TMEM64: variants seen among roughly 807,000 people sequenced by gnomAD.
TMEM64 encodes the protein transmembrane protein 64.
In TMEM64, 19 loss-of-function variants were observed where a neutral mutation model predicts 24.5. That is an observed-to-expected ratio of 0.78 (90% CI 0.54 to 1.14). The LOEUF (loss-of-function observed/expected upper bound fraction) is 1.14, where lower values mean the gene tolerates loss of function less well. Ranked by LOEUF, TMEM64 falls within the 50% of genes most tolerant of loss-of-function variation. TMEM64 has a pLI of 0.00. For missense variants in TMEM64, 487 were observed against 493.0 expected, an observed-to-expected ratio of 0.99 and a Z score of 0.12; for synonymous variants, 262 against 224.7, an observed-to-expected ratio of 1.17 and a Z score of -1.49.
intron 1 of TMEM64, among the ~76,000 whole-genome samples, chr8:90,641,670 G>C (rs2130510323): frequency 6.6e-6 from 1 of 152,302 alleles, no homozygotes; most frequent in Non-Finnish European, 1.5e-5. Context: ...TTTCACCACT[G>C]TGCCTCAACT....
At chr8:90,633,203 C>T (rs978873704) in intron 1 of TMEM64, among the ~76,000 whole-genome samples, 1 of 152,196 alleles carries the variant, frequency 6.6e-6, no homozygotes, top group Admixed American at 6.6e-5. Flanking sequence ...AGGACTTCCA[C>T]TTCTTCCTCA....
rs1350186932 is a variant in TMEM64, at chr8:90,645,337, C to T, written c.569G>A (p.Gly190Asp). Residue 190 changes from glycine to aspartate, a missense_variant, in exon 1 of 3, where the codon GGC becomes GAC. Around this residue, in one of 3 missense-constraint regions of TMEM64, gnomAD observed 419 missense variants for 407.5 expected, o/e 1.03. Transcript: ENST00000458549. This position sits in a 1 kb window ranked among gnomAD's most constrained non-coding sequence, Gnocchi z 4.2. ...CATCAGACCCATGCCCAGCACGAAG[C>T]CGTACAGGTAGCCAGCGGCCACGTT... is the stretch of plus-strand genomic sequence containing the variant. ...VLNVAAGYLY[G>D]FVLGMGLMMV... 1.9e-6 allele frequency: 3 copies of T among 1,558,492 alleles called. No individual in the cohort carries two copies. The highest frequency in any genetic ancestry group is 2.6e-6 in the Non-Finnish European group (3 of 1,150,830).
In TMEM64 at chr8:90,625,569, T is replaced by C; in HGVS notation, c.*102A>G. ...AATTTAAAAACTAGTCAGTTTTGTT[T>C]GTGCTGTAATACAATTAGAACTTGT... On this transcript the variant is annotated 3_prime_UTR_variant, in exon 3 of 3. Coordinates refer to ENST00000458549, the MANE Select transcript of TMEM64 (RefSeq NM_001008495.4). 1 of 955,052 alleles carries C rather than the reference T, an allele frequency of 1.0e-6. No individual in the cohort carries two copies. Among genetic ancestry groups the C allele is most frequent in the African/African-American group, 1.6e-5 (1 of 61,230 alleles). The allele number at this position is 955,052 out of a possible 1,614,324, so 59.2% of individuals were successfully genotyped here. A position where few individuals can be genotyped will look rare whatever the true frequency, so the allele number is the denominator to read the frequency against.
chr8:90,645,273 C>A lies in TMEM64; in HGVS notation c.633G>T (p.Val211=). ...AGGCGGTGAGGAGCCGCTTGCAGAC[C>A]ACATGGGCGATGAAGGTGCCGATGA... ...GVLIGTFIAH[V]VCKRLLTAWV... The change falls in exon 1 of 3, where the codon GTG becomes GTT. Residue 211 remains valine (V), a synonymous_variant. Transcript: ENST00000458549. The surrounding 1 kb of genome is among the most constrained non-coding windows in gnomAD (Gnocchi z 4.2). The A allele has an allele frequency of 6.2e-7, 1 of 1,608,778 alleles. No individual in the cohort carries two copies. Among genetic ancestry groups the A allele is most frequent in the African/African-American group, 1.3e-5 (1 of 74,954 alleles).
At position 90,625,823 on chromosome 8, in the gene TMEM64, G is replaced by A. The variant is rs771221431; in HGVS notation, c.991C>T (p.Arg331Ter). 8 of 1,613,258 alleles carry A rather than the reference G, an allele frequency of 5.0e-6. No homozygotes were observed. Among genetic ancestry groups the A allele is most frequent in the Non-Finnish European group, 6.8e-6 (8 of 1,179,612 alleles). The change falls in exon 3 of 3, where the codon CGA becomes TGA. Residue 331 changes from arginine to a stop codon, truncating the protein, a stop_gained. Coordinates refer to ENST00000458549, the MANE Select transcript of TMEM64 (RefSeq NM_001008495.4). LOFTEE classifies it high-confidence loss of function. ...SIGLMFYVVHRAQVELNAAIV... is the reference protein window; with the variant it reads ...SIGLMFYVVH ...GCTGCATTCAATTCCACTTGAGCTCGATGAACTACATAAAACATGAGGCCT... is the reference window on the plus strand; with the variant it reads ...GCTGCATTCAATTCCACTTGAGCTCAATGAACTACATAAAACATGAGGCCT...
intron 1 of TMEM64, among the ~76,000 whole-genome samples, chr8:90,643,973 T>G (rs1809646705): frequency 6.6e-6 from 1 of 152,200 alleles, no homozygotes; most frequent in African/African-American, 2.4e-5. Flanking sequence ...AGAGGCAGAT[T>G]GGTTAGTATT....
chr8:90,634,060 A>G (rs148968984), intron 1 of TMEM64, among the ~76,000 whole-genome samples: 118 of 151,996 alleles, frequency 7.8e-4, no homozygotes, highest in African/African-American at 2.7e-3. Context: ...GTGTTTTAAG[A>G]GTATATTGTT....
At chr8:90,643,326 A>C (rs1390192293) in intron 1 of TMEM64, among the ~76,000 whole-genome samples, 1 of 152,208 alleles carries the variant, frequency 6.6e-6, no homozygotes, top group Non-Finnish European at 1.5e-5. Flanking sequence ...GCATGTATTC[A>C]TCTCATGTAA....
At chr8:90,643,376 C>T (rs1809636508) in intron 1 of TMEM64, among the ~76,000 whole-genome samples, 1 of 152,188 alleles carries the variant, frequency 6.6e-6, no homozygotes, top group Non-Finnish European at 1.5e-5. Context: ...TCATTACTTT[C>T]CTCATTTTAC....
At chr8:90,642,228 T>A (rs963530796) in intron 1 of TMEM64, among the ~76,000 whole-genome samples, 4 of 152,214 alleles carry the variant, frequency 2.6e-5, no homozygotes, top group African/African-American at 9.6e-5. Context: ...TCAGCTTTTT[T>A]AAGCCTCATA....
In TMEM64 at chr8:90,625,792, A is replaced by G. The variant is rs1462436273; in HGVS notation, c.1022T>C (p.Val341Ala). The G allele has an allele frequency of 1.2e-6, 2 of 1,614,028 alleles. No individual in the cohort carries two copies. The highest frequency in any genetic ancestry group is 4.5e-5 in the East Asian group (2 of 44,858). ...RAQVELNAAI[V>A]ACEMELKSSL... ...AGATTTCAGTTCCATTTCACAAGCT[A>G]CAATAGCTGCATTCAATTCCACTTG... is the stretch of plus-strand genomic sequence containing the variant. The change falls in exon 3 of 3, where the codon GTA becomes GCA. Residue 341 changes from valine (V) to alanine (A), a missense_variant. Val to Ala is a moderately conservative substitution (Grantham distance 64). Coordinates refer to ENST00000458549, the MANE Select transcript of TMEM64 (RefSeq NM_001008495.4).
At chr8:90,634,388 T>A (rs1809484264) in intron 1 of TMEM64, among the ~76,000 whole-genome samples, 1 of 152,218 alleles carries the variant, frequency 6.6e-6, no homozygotes, top group Non-Finnish European at 1.5e-5. Flanking sequence ...CAAATTGTAA[T>A]AAAGACTACC....
intron 2 of TMEM64, among the ~76,000 whole-genome samples, chr8:90,626,482 T>C (rs968248085): frequency 6.6e-6 from 1 of 152,180 alleles, no homozygotes; most frequent in African/African-American, 2.4e-5. Flanking sequence ...GTCAAAGGGA[T>C]ACTAGAAAAA....
Position 90,622,793 on chromosome 8 carries a change from G to A in TMEM64, c.*2878C>T, listed in dbSNP as rs1330348177. ...TCAGGGAAAAGCCACCTAAAAGCAT[G>A]TGTAGCTGGTTACAAAGTGCATCAA... On this transcript the variant is annotated 3_prime_UTR_variant, in exon 3 of 3. Coordinates refer to ENST00000458549, the MANE Select transcript of TMEM64 (RefSeq NM_001008495.4). The A allele has an allele frequency of 3.3e-5, 5 of 152,200 alleles. No homozygotes were observed. The highest frequency in any genetic ancestry group is 4.8e-5 in the African/African-American group (2 of 41,450). The allele number at this position is 152,200 out of a possible 1,614,324, so 9.4% of individuals were successfully genotyped here. A position where few individuals can be genotyped will look rare whatever the true frequency, so the allele number is the denominator to read the frequency against.
Position 90,625,717 on chromosome 8 carries a change from T to G in TMEM64, c.1097A>C (p.Asn366Thr), listed in dbSNP as rs201839000. The change falls in exon 3 of 3, where the codon AAC becomes ACC. Residue 366 changes from asparagine (N) to threonine (T), a missense_variant. Asn to Thr is a moderately conservative substitution (Grantham distance 65, BLOSUM62 0). This residue lies in a region of TMEM64 where 58 missense variants were observed against 58.2 expected (regional missense o/e 1.00). Transcript: ENST00000458549. The stretch of plus-strand genomic sequence containing the variant: ...TCCAGAAAATGTTAGGGTCCTCTTG[T>G]TGTAGAATGAAGAGCCACTGGTATT... ...QPNTSGSSFY[N>T]KRTLTFSGGG... 6.2e-7 allele frequency: 1 copy of G among 1,613,926 alleles called. No individual in the cohort carries two copies. Among genetic ancestry groups the G allele is most frequent in the African/African-American group, 1.3e-5 (1 of 75,046 alleles).
intron 1 of TMEM64, among the ~76,000 whole-genome samples, chr8:90,639,761 ATGTTTTTCTT>A (rs1809574763): frequency 1.3e-5 from 2 of 152,200 alleles, no homozygotes; most frequent in African/African-American, 4.8e-5. Flanking sequence ...AATGTTAATG[ATGTTTTTCTT>A]TGTACTTGCT....
chr8:90,645,059 G>A lies in TMEM64; in HGVS notation c.795+52C>T, dbSNP rs954256859. 2 of 1,552,938 alleles carry A rather than the reference G, an allele frequency of 1.3e-6. No individual in the cohort carries two copies. Among genetic ancestry groups the A allele is most frequent in the African/African-American group, 1.4e-5 (1 of 73,620 alleles). On this transcript the variant is annotated intron_variant, in intron 1 of 2. Transcript: ENST00000458549. The surrounding 1 kb of genome is among the most constrained non-coding windows in gnomAD (Gnocchi z 4.2). ...GAGCGCCCTCCTAGGGCCGCCACAA[G>A]ACCGCTCAAAAACAGACTTGGAGAG...
chr8:90,642,339 C>G (rs1809616361), intron 1 of TMEM64, among the ~76,000 whole-genome samples: 4 of 152,006 alleles, frequency 2.6e-5, no homozygotes, highest in Admixed American at 2.6e-4. Context: ...GACCACTACA[C>G]CTAACTTCTT....
At chr8:90,627,644 G>T (rs1166640600) in intron 2 of TMEM64, among the ~76,000 whole-genome samples, 1 of 151,970 alleles carries the variant, frequency 6.6e-6, no homozygotes, top group African/African-American at 2.4e-5. Flanking sequence ...GCAGGCGGAG[G>T]GTCTTGACCC....
Sources: allele counts gnomAD v4.1 joint callset (sites outside exome capture counted in the v4.1 genomes callset), GRCh38; gene constraint gnomAD v4.1.1; regional missense constraint gnomAD v4.1.1; non-coding constraint Gnocchi (gnomAD v3.1); transcripts MANE v1.5; gene names NCBI Gene and HGNC (gene_info 2026-07-23, HGNC 2026-07-21).